The following GALK2 variants were observed in gnomAD, a reference collection of about 807,000 sequenced individuals.
GALK2 encodes N-acetylgalactosamine kinase.
GALK2 carries 36 observed loss-of-function variants against 52.4 expected under a neutral mutation model. That is an observed-to-expected ratio of 0.69 (90% CI 0.53 to 0.91). The LOEUF (loss-of-function observed/expected upper bound fraction) is 0.91. Ranked by LOEUF, GALK2 falls within the 40% of genes least tolerant of loss-of-function variation. The probability of loss-of-function intolerance (pLI) is 0.00; values close to 1 mark genes in which losing one functional copy is unlikely to be tolerated. For missense variants in GALK2, 579 were observed against 559.1 expected (o/e 1.04, Z -0.36); for synonymous variants, 176 against 199.1 (o/e 0.88, Z 0.98).
intron 1 of GALK2, among the ~76,000 whole-genome samples, chr15:49,160,181 A>G (rs1237689906): frequency 2.6e-5 from 4 of 152,096 alleles, no homozygotes; most frequent in Non-Finnish European, 4.4e-5. Flanking sequence ...AACCTTAGGC[A>G]GGAGAATTGC....
At chr15:49,299,755 CTTTCTTTCTTT>C (rs2034885041) in intron 8 of GALK2, among the ~76,000 whole-genome samples, 1 of 124,602 alleles carries the variant, frequency 8.0e-6, no homozygotes, top group African/African-American at 3.2e-5. Flanking sequence ...TTCTTTCTTT[CTTTCTTTCTTT>C]CTTTCTTTCT....
At chr15:49,240,582 C>G (rs2091046852) in intron 5 of GALK2, among the ~76,000 whole-genome samples, 1 of 152,018 alleles carries the variant, frequency 6.6e-6, no homozygotes, top group Non-Finnish European at 1.5e-5. Flanking sequence ...ATGGAGACAA[C>G]AAAGATTAAA....
intron 1 of GALK2, among the ~76,000 whole-genome samples, chr15:49,191,821 T>C (rs986446563): frequency 5.3e-5 from 8 of 152,070 alleles, no homozygotes; most frequent in African/African-American, 1.9e-4. Flanking sequence ...CTTGCCTGAA[T>C]CACTTATTAC....
intron 7 of GALK2, among the ~76,000 whole-genome samples, chr15:49,285,061 C>T (rs546593096): frequency 3.2e-4 from 49 of 152,256 alleles, no homozygotes; most frequent in African/African-American, 7.9e-4. Flanking sequence ...TATATGTTAT[C>T]TTTACTCCTC....
chr15:49,230,585 A>G (rs1379140277), intron 3 of GALK2, among the ~76,000 whole-genome samples: 1 of 152,202 alleles, frequency 6.6e-6, no homozygotes, highest in Admixed American at 6.5e-5. Flanking sequence ...CCAGATGCCT[A>G]CAGGCATTCT....
chr15:49,202,397 T>C (rs1314336497), intron 2 of GALK2, among the ~76,000 whole-genome samples: 8 of 152,270 alleles, frequency 5.3e-5, no homozygotes, highest in Non-Finnish European at 1.2e-4. Flanking sequence ...TAATTTATCC[T>C]CTATTTTTAT....
intron 5 of GALK2, among the ~76,000 whole-genome samples, chr15:49,277,758 T>C (rs549874691): frequency 2.6e-5 from 4 of 151,188 alleles, no homozygotes; most frequent in Non-Finnish European, 5.9e-5. Context: ...ATTGAGCCAC[T>C]GCACTCCAGC....
chr15:49,248,556 G>C (rs1183974474), intron 5 of GALK2, among the ~76,000 whole-genome samples: 1 of 152,198 alleles, frequency 6.6e-6, no homozygotes, highest in East Asian at 1.9e-4. Context: ...TATAGTGTTA[G>C]CTCTGGGTGG....
At chr15:49,195,137 T>C (rs1288006371) in intron 1 of GALK2, 1 of 451,754 alleles carries the variant, frequency 2.2e-6, no homozygotes, top group Non-Finnish European at 4.4e-6. Context: ...AGTGGCACGA[T>C]CTTGGCTCAC....
intron 3 of GALK2, among the ~76,000 whole-genome samples, chr15:49,361,092 T>C (rs1005861667): frequency 3.9e-5 from 6 of 152,166 alleles, no homozygotes; most frequent in African/African-American, 1.4e-4. Flanking sequence ...GATAAGTATT[T>C]AAGGTGATGA....
At chr15:49,281,123 C>T (rs926726765) in intron 5 of GALK2, among the ~76,000 whole-genome samples, 4 of 152,222 alleles carry the variant, frequency 2.6e-5, no homozygotes, top group Admixed American at 2.0e-4. Context: ...GCGTAAGCCA[C>T]AGTGCTGGGC....
intron 5 of GALK2, among the ~76,000 whole-genome samples, chr15:49,243,293 A>G (rs2091187997): frequency 6.6e-6 from 1 of 152,164 alleles, no homozygotes; most frequent in East Asian, 1.9e-4. Flanking sequence ...GACGAGAAAG[A>G]CTTGAAAACT....
chr15:49,162,618 C>T (rs563536075), intron 1 of GALK2, among the ~76,000 whole-genome samples: 13 of 152,168 alleles, frequency 8.5e-5, no homozygotes, highest in Non-Finnish European at 1.9e-4. Context: ...AGGTGATATA[C>T]GTGATTATAT....
At chr15:49,256,464 T>A (rs2091819056) in intron 5 of GALK2, among the ~76,000 whole-genome samples, 1 of 152,212 alleles carries the variant, frequency 6.6e-6, no homozygotes, top group South Asian at 2.1e-4. Flanking sequence ...ATCATTTGAT[T>A]GTTATTTGAT....
chr15:49,210,139 C>T (rs1156415778), intron 2 of GALK2, among the ~76,000 whole-genome samples: 1 of 152,028 alleles, frequency 6.6e-6, no homozygotes, highest in African/African-American at 2.4e-5. Context: ...TCACAATAGG[C>T]TTTAATGATC....
At chr15:49,316,143 A>T (rs917984045) in intron 8 of GALK2, among the ~76,000 whole-genome samples, 3 of 152,186 alleles carry the variant, frequency 2.0e-5, no homozygotes, top group Non-Finnish European at 2.9e-5. Flanking sequence ...TAACAACTGA[A>T]TATAATGTGT....
chr15:49,226,410 A>G (rs1355909600), intron 3 of GALK2, among the ~76,000 whole-genome samples: 1 of 151,896 alleles, frequency 6.6e-6, no homozygotes, highest in African/African-American at 2.4e-5. Flanking sequence ...TTGCTTCTCT[A>G]TCTACTCTTG....
chr15:49,274,943 A>G (rs2031413635), intron 5 of GALK2, among the ~76,000 whole-genome samples: 1 of 151,942 alleles, frequency 6.6e-6, no homozygotes, highest in South Asian at 2.1e-4. Context: ...CCTCCCGAAG[A>G]CCTGTCTTGA....
At chr15:49,219,645 C>G (rs563764487) in intron 3 of GALK2, among the ~76,000 whole-genome samples, 66 of 152,176 alleles carry the variant, frequency 4.3e-4, no homozygotes, top group Middle Eastern at 3.4e-3. Flanking sequence ...CTTGTCTCCA[C>G]TAAGAATACA....
Sources: gnomAD v4.1 joint callset for allele counts (sites outside exome capture counted in the v4.1 genomes callset) on GRCh38, gnomAD v4.1.1 for gene constraint, MANE v1.5 for transcripts, NCBI Gene and HGNC (gene_info 2026-07-23, HGNC 2026-07-21) for gene names.